ZNF616: variants seen among roughly 807,000 people sequenced by gnomAD.
ZNF616 encodes the protein zinc finger protein 616.
A neutral mutation model predicts 7.6 loss-of-function variants in ZNF616; 5 were observed. The ratio of observed to expected loss-of-function variants is 0.66; its 90% CI spans 0.34 to 1.38. The LOEUF (loss-of-function observed/expected upper bound fraction) is 1.38. Ranked by LOEUF, ZNF616 falls within the 40% of genes most tolerant of loss-of-function variation. The pLI is 0.04. For synonymous variants in ZNF616, 319 were observed against 317.2 expected (o/e 1.01, Z -0.06); for missense variants, 913 against 948.3 (o/e 0.96, Z 0.49).
At chr19:52,123,247 G>A (rs145005693) in intron 3 of ZNF616, among the ~76,000 whole-genome samples, 113 of 152,108 alleles carry the variant, frequency 7.4e-4, no homozygotes, top group Non-Finnish European at 1.4e-3. Context: ...TTAAAGTAGC[G>A]GTCACTTAAA....
chr19:52,120,159 T>C (rs911088937), intron 3 of ZNF616, among the ~76,000 whole-genome samples: 5 of 152,178 alleles, frequency 3.3e-5, no homozygotes, highest in Non-Finnish European at 5.9e-5. Flanking sequence ...ACACAGTATA[T>C]ATGGAAGTAA....
chr19:52,125,042 A>C (rs2088894093), intron 2 of ZNF616, among the ~76,000 whole-genome samples: 1 of 152,206 alleles, frequency 6.6e-6, no homozygotes, highest in Non-Finnish European at 1.5e-5. Flanking sequence ...AAACCTCATA[A>C]TACTTGGAGA....
chr19:52,134,769 C>T (rs2088993350), intron 1 of ZNF616, among the ~76,000 whole-genome samples: 1 of 152,152 alleles, frequency 6.6e-6, no homozygotes, highest in Admixed American at 6.5e-5. Context: ...ATTACTAGGC[C>T]TGTCATTCTC....
intron 1 of ZNF616, chr19:52,138,316 T>C (rs1193098277): frequency 1.3e-5 from 2 of 152,232 alleles, no homozygotes; most frequent in African/African-American, 4.8e-5. Context: ...TATCTTTTGA[T>C]ATAAACAAAT....
At position 52,116,806 on chromosome 19, in the gene ZNF616, T is replaced by A; in HGVS notation, c.358A>T (p.Thr120Ser). The A allele has an allele frequency of 1.2e-6, 2 of 1,613,892 alleles. No homozygotes were observed. Among genetic ancestry groups the A allele is most frequent in the South Asian group, 2.2e-5 (2 of 91,016 alleles). Residue 120 changes from threonine (T) to serine (S), a missense_variant, in exon 4 of 4, where the codon ACT (threonine) becomes TCT (serine). Coordinates refer to ENST00000600228, the MANE Select transcript of ZNF616 (RefSeq NM_178523.5). ...EVPVPHENNL[T>S]GKRDQHSQGD... ...TGACTATGTTGATCTCTTTTACCAG[T>A]AAGATTGTTTTCATGGGGCACTGGC...
At chr19:52,129,939 T>C (rs917503006) in intron 2 of ZNF616, among the ~76,000 whole-genome samples, 1 of 152,080 alleles carries the variant, frequency 6.6e-6, no homozygotes, top group Non-Finnish European at 1.5e-5. Flanking sequence ...CCTGCCACCA[T>C]GACTGGCTAA....
At chr19:52,132,758 A>C (rs963489696) in intron 1 of ZNF616, among the ~76,000 whole-genome samples, 3 of 152,192 alleles carry the variant, frequency 2.0e-5, no homozygotes, top group African/African-American at 7.2e-5. Flanking sequence ...CTGTGAGCCA[A>C]TTAAACCTGT....
chr19:52,121,251 C>G (rs773103033), intron 3 of ZNF616, among the ~76,000 whole-genome samples: 1 of 152,156 alleles, frequency 6.6e-6, no homozygotes, highest in Non-Finnish European at 1.5e-5. Flanking sequence ...GACGCGGTTT[C>G]GCCATGTTGG....
intron 2 of ZNF616, among the ~76,000 whole-genome samples, chr19:52,128,394 A>AT (rs2088928228): frequency 1.3e-5 from 2 of 152,032 alleles, no homozygotes; most frequent in African/African-American, 4.8e-5. Context: ...CTGTAGTTAA[A>AT]TTTTTAAAAT....
intron 2 of ZNF616, among the ~76,000 whole-genome samples, chr19:52,124,652 G>C (rs73937272): frequency 0.17 from 25,723 of 152,058 alleles, 2,872 homozygotes; most frequent in South Asian, 0.32. Flanking sequence ...CTGAGAATTA[G>C]AGTTGAATCA....
In ZNF616 at chr19:52,124,186, T is replaced by A. The variant is rs553159658; in HGVS notation, c.13-137A>T. On this transcript the variant is annotated intron_variant, in intron 2 of 3. Transcript: ENST00000600228. The stretch of plus-strand genomic sequence containing the variant: ...ATGGCATCTGTGAGAAAGTTATTGG[T>A]CCCTAATTTTAGTTTGTTATAAAAT... 4 of 1,102,368 alleles carry A rather than the reference T, an allele frequency of 3.6e-6. No individual in the cohort carries two copies. In the Admixed American group the frequency reaches 1.1e-4, roughly 31 times the overall value. The allele number at this position is 1,102,368 out of a possible 1,614,324, so 68.3% of individuals were successfully genotyped here.
intron 1 of ZNF616, among the ~76,000 whole-genome samples, chr19:52,133,467 C>G (rs575959921): frequency 6.6e-6 from 1 of 152,162 alleles, no homozygotes; most frequent in Admixed American, 6.5e-5. Flanking sequence ...CAGCCTGGTT[C>G]ACAGGTAAAC....
At chr19:52,138,690 C>T (rs1258560249) in intron 1 of ZNF616, 1 of 152,468 alleles carries the variant, frequency 6.6e-6, no homozygotes, top group Non-Finnish European at 1.5e-5. Flanking sequence ...TTTCCCCCAT[C>T]TGAGCTCCCT....
At chr19:52,131,254 ACT>A (rs1397960777) in intron 1 of ZNF616, among the ~76,000 whole-genome samples, 6 of 126,148 alleles carry the variant, frequency 4.8e-5, no homozygotes, top group Non-Finnish European at 9.4e-5. Flanking sequence ...GGCGACAGAG[ACT>A]CTGTCACCAA....
In ZNF616 at chr19:52,124,105, C is replaced by T. The variant is rs567036629; in HGVS notation, c.13-56G>A. The T allele has an allele frequency of 8.4e-6, 13 of 1,548,112 alleles. 1 individual carries two copies. In the South Asian group the frequency reaches 1.3e-4, roughly 15 times the overall value. On this transcript the variant is annotated intron_variant, in intron 2 of 3. Coordinates refer to ENST00000600228, the MANE Select transcript of ZNF616 (RefSeq NM_178523.5). The stretch of plus-strand genomic sequence containing the variant: ...CAATATGAGAGCTCTTCTGTTTACA[C>T]AAAATGAGGAGAGAACTATCACATC...
intron 1 of ZNF616, among the ~76,000 whole-genome samples, chr19:52,134,840 C>A (rs1313646612): frequency 6.6e-6 from 1 of 152,126 alleles, no homozygotes; most frequent in African/African-American, 2.4e-5. Context: ...GACCCTCTTG[C>A]CTGGAGAAAA....
intron 1 of ZNF616, among the ~76,000 whole-genome samples, chr19:52,137,734 A>C (rs528606479): frequency 2.6e-5 from 4 of 152,220 alleles, no homozygotes; most frequent in Non-Finnish European, 5.9e-5. Flanking sequence ...ACGCTTTAAC[A>C]GTTTGGAAAG....
chr19:52,114,659 G>C lies in ZNF616; in HGVS notation c.*159C>G, dbSNP rs917852669. ...AGGGGATGACGCTACATCTTTCTCA[G>C]TTTGAGAAATCCACTTCCATGATTC... On this transcript the variant is annotated 3_prime_UTR_variant, in exon 4 of 4. Transcript: ENST00000600228. The C allele has an allele frequency of 4.8e-6, 4 of 838,562 alleles. 1 individual carries two copies. In the South Asian group the frequency reaches 5.8e-5, roughly 12 times the overall value. The allele number at this position is 838,562 out of a possible 1,614,324, so 51.9% of individuals were successfully genotyped here. A position where few individuals can be genotyped will look rare whatever the true frequency, so the allele number is the denominator to read the frequency against.
At chr19:52,136,377 A>T (rs2089008606) in intron 1 of ZNF616, among the ~76,000 whole-genome samples, 1 of 152,012 alleles carries the variant, frequency 6.6e-6, no homozygotes, top group South Asian at 2.1e-4. Flanking sequence ...GGTGCTTCGG[A>T]GGATGAGGTC....
Sources: allele counts gnomAD v4.1 joint callset (sites outside exome capture counted in the v4.1 genomes callset), GRCh38; gene constraint gnomAD v4.1.1; transcripts MANE v1.5; gene names NCBI Gene and HGNC (gene_info 2026-07-23, HGNC 2026-07-21).